Variants in FUT9 observed in about 807,000 individuals in gnomAD.
The protein encoded by FUT9 is fucosyltransferase 9, also known as 4-galactosyl-N-acetylglucosaminide 3-alpha-L-fucosyltransferase 9.
A neutral mutation model predicts 29.7 loss-of-function variants in FUT9; 15 were observed. The ratio of observed to expected loss-of-function variants is 0.51; its 90% confidence interval spans 0.34 to 0.78. The LOEUF (loss-of-function observed/expected upper bound fraction) is 0.78, where lower values mean the gene tolerates loss of function less well. FUT9 is among the 30% of genes least tolerant of loss of function. FUT9 has a pLI of 0.01. For synonymous variants in FUT9, 169 were observed against 153.7 expected (o/e 1.10, Z -0.74); for missense variants, 319 against 425.4 (o/e 0.75, Z 2.20).
At chr6:96,110,124 G>A (rs543374834) in intron 1 of FUT9, among the ~76,000 whole-genome samples, 62 of 152,162 alleles carry the variant, frequency 4.1e-4, no homozygotes, top group African/African-American at 1.4e-3. Context: ...TCTTCAGTGG[G>A]CCTTTCCATC....
At chr6:96,182,338 T>C (rs772046288) in intron 2 of FUT9, among the ~76,000 whole-genome samples, 3 of 152,090 alleles carry the variant, frequency 2.0e-5, no homozygotes, top group Admixed American at 2.0e-4. Context: ...GTCAGATGTA[T>C]AGATTGTGAA....
At position 96,207,758 on chromosome 6, in the gene FUT9, G is replaced by A. The variant is rs1482101473; in HGVS notation, c.*3523G>A. On this transcript the variant is annotated 3_prime_UTR_variant, in exon 3 of 3. Transcript: ENST00000302103. ...TTAAAATGTTTTATTTCAAAATATCGAAAAGCTATTACCTTCAATACTCTA... is the reference window on the plus strand; with the variant it reads ...TTAAAATGTTTTATTTCAAAATATCAAAAAGCTATTACCTTCAATACTCTA... 2.4e-5 allele frequency: 4 copies of A among 166,846 alleles called. No individual in the cohort carries two copies. The East Asian group carries it at 5.8e-4, about 24-fold the overall frequency. 10.3% of individuals were successfully genotyped at this position (166,846 alleles called of 1,614,324 possible).
chr6:96,074,524 T>A (rs1430820501), intron 1 of FUT9, among the ~76,000 whole-genome samples: 1 of 152,136 alleles, frequency 6.6e-6, no homozygotes, highest in Non-Finnish European at 1.5e-5. Flanking sequence ...TCTTCTTTGT[T>A]AAAGGGATAG....
rs1400382959 is a variant in FUT9, at chr6:96,215,505, T to C, written c.*11270T>C. 1.2e-5 allele frequency: 2 copies of C among 166,716 alleles called. No homozygotes were observed. The highest frequency in any genetic ancestry group is 2.9e-5 in the Non-Finnish European group (2 of 68,082). The allele number at this position is 166,716 out of a possible 1,614,324, so 10.3% of individuals were successfully genotyped here. A position where few individuals can be genotyped will look rare whatever the true frequency, so the allele number is the denominator to read the frequency against. On this transcript the variant is annotated 3_prime_UTR_variant, in exon 3 of 3. Transcript: ENST00000302103. ...AAATTCAGTGTAAGTACCTCGCTGATTTAGCACTGGAGTTATTCCTTGAAT... is the reference window on the plus strand; with the variant it reads ...AAATTCAGTGTAAGTACCTCGCTGACTTAGCACTGGAGTTATTCCTTGAAT...
intron 2 of FUT9, among the ~76,000 whole-genome samples, chr6:96,183,395 G>A (rs977494593): frequency 6.6e-5 from 10 of 152,036 alleles, no homozygotes; most frequent in South Asian, 2.1e-4. Context: ...TCAGCAAACA[G>A]TGACAGTTGG....
intron 2 of FUT9, among the ~76,000 whole-genome samples, chr6:96,193,029 T>G (rs1397414646): frequency 6.6e-6 from 1 of 151,676 alleles, no homozygotes; most frequent in African/African-American, 2.4e-5. Flanking sequence ...GATCCCTTCC[T>G]TACACTTTAT....
At position 96,210,579 on chromosome 6, in the gene FUT9, G is replaced by T. The variant is rs1162400271; in HGVS notation, c.*6344G>T. ...GTTCTCGTCTTGGAGGAACTATTAG[G>T]AAAATAAAAGATTATATATCTTGAA... On this transcript the variant is annotated 3_prime_UTR_variant, in exon 3 of 3. Coordinates refer to ENST00000302103, the MANE Select transcript of FUT9 (RefSeq NM_006581.4). 1 of 166,692 alleles carries T rather than the reference G, an allele frequency of 6.0e-6. No individual in the cohort carries two copies. Among genetic ancestry groups the T allele is most frequent in the African/African-American group, 2.4e-5 (1 of 41,348 alleles). The allele number at this position is 166,692 out of a possible 1,614,324, so 10.3% of individuals were successfully genotyped here.
intron 1 of FUT9, among the ~76,000 whole-genome samples, chr6:96,089,215 C>G (rs1173312969): frequency 6.6e-6 from 1 of 152,168 alleles, no homozygotes; most frequent in Admixed American, 6.5e-5. Context: ...CTGATTAATA[C>G]TCAGCTAAAT....
chr6:96,139,718 G>GT (rs1054815578), intron 2 of FUT9, among the ~76,000 whole-genome samples: 6 of 152,124 alleles, frequency 3.9e-5, no homozygotes, highest in African/African-American at 1.2e-4. Context: ...AGCTGCCAAG[G>GT]TTTGGAGCTT....
At chr6:96,177,698 CT>C (rs796933067) in intron 2 of FUT9, among the ~76,000 whole-genome samples, 2 of 152,234 alleles carry the variant, frequency 1.3e-5, no homozygotes, top group African/African-American at 4.8e-5. Context: ...TAACAGCTAT[CT>C]TTCATCCAGC....
chr6:96,072,662 G>C (rs1264874661), intron 1 of FUT9, among the ~76,000 whole-genome samples: 1 of 152,052 alleles, frequency 6.6e-6, no homozygotes, highest in Non-Finnish European at 1.5e-5. Context: ...TATTCAGATA[G>C]AAAAAGGCAA....
intron 1 of FUT9, among the ~76,000 whole-genome samples, chr6:96,030,459 A>G (rs1175360043): frequency 6.6e-6 from 1 of 151,582 alleles, no homozygotes; most frequent in Non-Finnish European, 1.5e-5. Flanking sequence ...GAACAAACAA[A>G]CAAAATCATG....
At position 96,203,209 on chromosome 6, in the gene FUT9, C is replaced by G. The variant is rs769697351; in HGVS notation, c.54C>G (p.Ile18Met). ...GCCCATTTTTAATTGTCTGCATTAT[C>G]CTGGGCTGTTTCATGGCATGTCTTC... is the stretch of plus-strand genomic sequence containing the variant. ...ILRPFLIVCIILGCFMACLLI... is the reference protein window; with the variant it reads ...ILRPFLIVCIMLGCFMACLLI... The change falls in exon 3 of 3, where the codon ATC becomes ATG. Residue 18 changes from isoleucine to methionine, a missense_variant. Transcript: ENST00000302103. The G allele has an allele frequency of 6.2e-7, 1 of 1,612,278 alleles. No homozygotes were observed. Among genetic ancestry groups the G allele is most frequent in the African/African-American group, 1.3e-5 (1 of 75,002 alleles).
intron 1 of FUT9, among the ~76,000 whole-genome samples, chr6:96,030,888 G>A (rs1456298377): frequency 1.3e-5 from 2 of 151,388 alleles, no homozygotes; most frequent in Admixed American, 6.6e-5. Flanking sequence ...AAATAAAAAC[G>A]TAGGAACAGA....
chr6:96,140,756 A>G, intron 2 of FUT9, among the ~76,000 whole-genome samples: 1 of 152,200 alleles, frequency 6.6e-6, no homozygotes, highest in South Asian at 2.1e-4. Flanking sequence ...ACCCATCCTT[A>G]TGATTCAATT....
In FUT9 at chr6:96,212,610, C is replaced by A; in HGVS notation, c.*8375C>A. ...ATATAAAATGGCATTGTTATAGAAT[C>A]CCTAAAAGGTAAATAATGTATGAGA... On this transcript the variant is annotated 3_prime_UTR_variant, in exon 3 of 3. Coordinates refer to ENST00000302103, the MANE Select transcript of FUT9 (RefSeq NM_006581.4). 2 of 342,616 alleles carry A rather than the reference C, an allele frequency of 5.8e-6. No individual in the cohort carries two copies. The highest frequency in any genetic ancestry group is 1.1e-5 in the Non-Finnish European group (2 of 182,392). The allele number at this position is 342,616 out of a possible 1,614,324, so 21.2% of individuals were successfully genotyped here. A position where few individuals can be genotyped will look rare whatever the true frequency, so the allele number is the denominator to read the frequency against.
At chr6:96,151,037 T>A (rs911491307) in intron 2 of FUT9, among the ~76,000 whole-genome samples, 5 of 152,184 alleles carry the variant, frequency 3.3e-5, no homozygotes, top group Non-Finnish European at 7.4e-5. Context: ...ACAATTTAGA[T>A]TTGCAGATAC....
rs34943333 is a variant in FUT9, at chr6:96,129,101, C to CAA, written c.-9+14988_-9+14989dup. On this transcript the variant is annotated intron_variant, in intron 2 of 2. Transcript: ENST00000302103. ...TGAAACCCTGTCTCTACTAAAAATA[C>CAA]AAAAAAAAAAAAAAATAGCTGGGCG... 6.1e-3 allele frequency among the ~76,000 whole-genome samples: 827 copies of CAA among 134,496 alleles called. 5 individuals carry two copies. The highest frequency in any genetic ancestry group is 0.015 in the African/African-American group (528 of 35,510). 88.2% of individuals were successfully genotyped at this position (134,496 alleles called of 152,430 possible). A position where few individuals can be genotyped will look rare whatever the true frequency, so the allele number is the denominator to read the frequency against.
chr6:96,083,072 C>T (rs1388946016), intron 1 of FUT9, among the ~76,000 whole-genome samples: 3 of 151,980 alleles, frequency 2.0e-5, no homozygotes, highest in Admixed American at 2.0e-4. Context: ...CTTACTATCA[C>T]ACACTGAACA....
Sources: allele counts gnomAD v4.1 joint callset (sites outside exome capture counted in the v4.1 genomes callset), GRCh38; gene constraint gnomAD v4.1.1; transcripts MANE v1.5; gene names NCBI Gene and HGNC (gene_info 2026-07-23, HGNC 2026-07-21).